DCLRE1C: variants seen among roughly 807,000 people sequenced by gnomAD.
DCLRE1C encodes protein artemis.
Under a neutral mutation model 61.4 loss-of-function variants are expected in DCLRE1C, and 47 were observed. That is an observed-to-expected ratio of 0.77 (90% confidence interval 0.61 to 0.98). The LOEUF is 0.98. Ranked by LOEUF, DCLRE1C falls within the 50% of genes least tolerant of loss-of-function variation. The pLI is 0.00. For synonymous variants in DCLRE1C, 337 were observed against 287.6 expected, an observed-to-expected ratio of 1.17 and a Z score of -1.74; for missense variants, 858 against 816.0, an observed-to-expected ratio of 1.05 and a Z score of -0.63.
At chr10:14,945,409 A>C in intron 2 of DCLRE1C, 2 of 1,273,456 alleles carry the variant, frequency 1.6e-6, no homozygotes, top group Non-Finnish European at 2.0e-6. Flanking sequence ...CTGGCACAAA[A>C]TCTGTTAGAG....
chr10:14,926,363 A>G (rs1657296288), intron 11 of DCLRE1C, among the ~76,000 whole-genome samples: 1 of 152,216 alleles, frequency 6.6e-6, no homozygotes, highest in African/African-American at 2.4e-5. Context: ...ACATAAAAAT[A>G]GAATCCATGA....
At chr10:14,952,721 AAAG>A (rs1020377055) in intron 1 of DCLRE1C, among the ~76,000 whole-genome samples, 3 of 152,212 alleles carry the variant, frequency 2.0e-5, no homozygotes, top group African/African-American at 2.4e-5. Context: ...AAAAAAAGAA[AAAG>A]AAGAAGGAGA....
At position 14,932,875 on chromosome 10, in the gene DCLRE1C, G is replaced by A. The variant is rs761608182; in HGVS notation, c.759C>T (p.Ile253=). 1.2e-6 allele frequency: 2 copies of A among 1,614,196 alleles called. No homozygotes were observed. Among genetic ancestry groups the A allele is most frequent in the South Asian group, 2.2e-5 (2 of 91,086 alleles). Residue 253 remains isoleucine, a synonymous_variant, in exon 9 of 14, where the codon ATC becomes ATT. Transcript: ENST00000378278. ...GTACCTTGGGATGCCGGCATGCATG[G>A]ATCTGAGTGTTGCGGTCTGTTGTGA... is the stretch of plus-strand genomic sequence containing the variant. ...HHLTTDRNTQ[I]HACRHPKAEE... is the part of the protein sequence containing the mutation.
chr10:14,951,224 T>C (rs1842405542), intron 1 of DCLRE1C, among the ~76,000 whole-genome samples: 1 of 150,928 alleles, frequency 6.6e-6, no homozygotes, highest in Non-Finnish European at 1.5e-5. Context: ...CTATAAAAAA[T>C]AGAAAAATTA....
At chr10:14,947,447 T>G (rs1203364905) in intron 2 of DCLRE1C, 1 of 152,126 alleles carries the variant, frequency 6.6e-6, no homozygotes, top group African/African-American at 2.4e-5. Context: ...ACATGATCAG[T>G]GTTAAGTCAC....
intron 13 of DCLRE1C, among the ~76,000 whole-genome samples, chr10:14,916,578 T>G (rs1836231436): frequency 6.6e-6 from 1 of 152,190 alleles, no homozygotes; most frequent in African/African-American, 2.4e-5. Context: ...ACACTTCTGC[T>G]CCCAAGCATT....
intron 13 of DCLRE1C, among the ~76,000 whole-genome samples, chr10:14,918,057 C>T (rs1010908198): frequency 6.6e-6 from 1 of 152,144 alleles, no homozygotes; most frequent in Non-Finnish European, 1.5e-5. Flanking sequence ...TCATACACTT[C>T]TCCTGGGAAC....
At chr10:14,952,683 T>C (rs1842627964) in intron 1 of DCLRE1C, among the ~76,000 whole-genome samples, 1 of 152,000 alleles carries the variant, frequency 6.6e-6, no homozygotes, top group African/African-American at 2.4e-5. Context: ...TACTCCAGCC[T>C]GGGCGACAAA....
At chr10:14,930,176 A>G (rs1375358745) in intron 9 of DCLRE1C, among the ~76,000 whole-genome samples, 1 of 151,558 alleles carries the variant, frequency 6.6e-6, no homozygotes, top group Non-Finnish European at 1.5e-5. Context: ...CAGTGGTACA[A>G]TCTTGGCTTA....
chr10:14,902,630 A>T (rs912777289), downstream of DCLRE1C: 6 of 677,306 alleles, frequency 8.9e-6, no homozygotes, highest in East Asian at 1.5e-4. Context: ...TTTACAATTC[A>T]TGTTTCAAGA....
intron 10 of DCLRE1C, 62 bp downstream of exon 10, chr10:14,927,954 A>T: frequency 6.5e-7 from 1 of 1,545,354 alleles, no homozygotes; most frequent in Non-Finnish European, 8.9e-7. Flanking sequence ...TGCTTAAATG[A>T]AATTAAATCA....
intron 11 of DCLRE1C, 95 bp downstream of exon 11, chr10:14,926,748 C>T (rs1838055465): frequency 2.2e-6 from 2 of 902,044 alleles, no homozygotes; most frequent in Non-Finnish European, 1.8e-6. Flanking sequence ...TACATAGAAA[C>T]AGAGATGCTT....
chr10:14,922,033 G>C (rs547767287), intron 12 of DCLRE1C, among the ~76,000 whole-genome samples: 3 of 152,322 alleles, frequency 2.0e-5, no homozygotes, highest in South Asian at 4.1e-4. Flanking sequence ...CATTGAGCTT[G>C]TGTGCTGCCT....
chr10:14,929,232 C>G (rs530954906), intron 9 of DCLRE1C, among the ~76,000 whole-genome samples: 67 of 152,106 alleles, frequency 4.4e-4, no homozygotes, highest in South Asian at 4.2e-3. Flanking sequence ...TGGTGAAACT[C>G]TGTCTCTACT....
At chr10:14,898,595 T>C (rs1414295931) in exon 14 of DCLRE1C, 1 of 152,150 alleles carries the variant, frequency 6.6e-6, no homozygotes, top group Non-Finnish European at 1.5e-5. Flanking sequence ...AAATTACTCT[T>C]TTTGTTAACC....
At chr10:14,920,948 A>G (rs1836999410) in intron 12 of DCLRE1C, among the ~76,000 whole-genome samples, 2 of 151,580 alleles carry the variant, frequency 1.3e-5, no homozygotes, top group Admixed American at 1.3e-4. Context: ...GCACCACTGC[A>G]CTCCAGCCTG....
Position 14,905,760 on chromosome 10 carries a change from G to A in DCLRE1C, c.*2648C>T, listed in dbSNP as rs1416553519. ...AGCACTTTGGGAGGCCGAGGCGAGT[G>A]GATCACCAGAGGTCAGGAGTTCAAG... is the stretch of plus-strand genomic sequence containing the variant. On this transcript the variant is annotated 3_prime_UTR_variant, in exon 14 of 14. Transcript: ENST00000378278. Among the ~76,000 whole-genome samples, 1 of 152,136 alleles carries A rather than the reference G, an allele frequency of 6.6e-6. No homozygotes were observed. The highest frequency in any genetic ancestry group is 1.9e-4 in the East Asian group (1 of 5,180).
intron 9 of DCLRE1C, among the ~76,000 whole-genome samples, chr10:14,930,278 C>CTTTTT (rs60565089): frequency 3.7e-4 from 32 of 85,724 alleles, no homozygotes; most frequent in Non-Finnish European, 4.5e-4. Flanking sequence ...CACTCAGCAC[C>CTTTTT]TTTTTTTTTT....
chr10:14,927,614 AGAGG>A (rs1223662780), intron 10 of DCLRE1C, among the ~76,000 whole-genome samples: 12 of 86,132 alleles, frequency 1.4e-4, no homozygotes, highest in Non-Finnish European at 1.9e-4. Flanking sequence ...GGGATGGAGG[AGAGG>A]GAGGGAGGGA....
Sources: gnomAD v4.1 joint callset for allele counts (sites outside exome capture counted in the v4.1 genomes callset) on GRCh38, gnomAD v4.1.1 for gene constraint, MANE v1.5 for transcripts, NCBI Gene and HGNC (gene_info 2026-07-23, HGNC 2026-07-21) for gene names.